The following ACCSL variants were observed in gnomAD, a reference collection of about 807,000 sequenced individuals.
ACCSL encodes probable inactive 1-aminocyclopropane-1-carboxylate synthase-like protein 2.
In ACCSL, 55 loss-of-function variants were observed where a neutral mutation model predicts 61.7. That is an observed-to-expected ratio of 0.89 (90% CI 0.72 to 1.12). ACCSL has a LOEUF of 1.12. Among genes scored for constraint, ACCSL ranks in the 50% most tolerant of loss-of-function variants. The pLI is 0.00. For missense variants in ACCSL, 632 were observed against 698.0 expected (o/e 0.91, Z 1.07); for synonymous variants, 258 against 264.3 (o/e 0.98, Z 0.23).
At chr11:43,984,475 A>G in the ACCSL span, among the ~76,000 whole-genome samples, 3 of 152,136 alleles carry the variant, frequency 2.0e-5, no homozygotes, top group South Asian at 4.1e-4. Flanking sequence ...TCCTCTGGGT[A>G]CAAACAGAAG....
At chr11:43,987,871 G>A in the ACCSL span, among the ~76,000 whole-genome samples, 4 of 152,208 alleles carry the variant, frequency 2.6e-5, no homozygotes, top group East Asian at 1.9e-4. Flanking sequence ...AATAATGTGC[G>A]TTTGGCAGGC....
the ACCSL span, among the ~76,000 whole-genome samples, chr11:43,990,001 G>C: frequency 2.8e-3 from 432 of 152,332 alleles, 5 homozygotes; most frequent in African/African-American, 9.3e-3. Flanking sequence ...CGCCATGCCA[G>C]AAACTTAGCA....
Position 44,048,259 on chromosome 11 carries a change from A to G in ACCSL, c.223A>G (p.Ile75Val). The stretch of plus-strand genomic sequence containing the variant: ...GCATGAAGCCCTTCTGAGTCGCTTA[A>G]TATGCCGGATGATCAACCTCCTACA... Reference protein sequence around the residue: ...CEHEALLSRLICRMINLLQSG... With the variant: ...CEHEALLSRLVCRMINLLQSG... The change falls in exon 1 of 14, where the codon ATA becomes GTA. Residue 75 changes from isoleucine to valine, a missense_variant. Transcript: ENST00000378832. 1 of 1,614,138 alleles carries G rather than the reference A, an allele frequency of 6.2e-7. No individual in the cohort carries two copies. The highest frequency in any genetic ancestry group is 1.1e-5 in the South Asian group (1 of 91,078).
At chr11:44,053,614 G>T in intron 8 of ACCSL, 108 bp downstream of exon 8, 1 of 1,031,440 alleles carries the variant, frequency 9.7e-7, no homozygotes, top group Non-Finnish European at 1.5e-6. Flanking sequence ...TGTAATCCCA[G>T]CACTTTGGGA....
the ACCSL span, chr11:43,921,214 T>A: frequency 6.6e-6 from 1 of 152,252 alleles, no homozygotes. Context: ...CATTCCAGGC[T>A]GTAAGATTGA....
chr11:43,992,542 T>C, the ACCSL span, among the ~76,000 whole-genome samples: 1 of 152,250 alleles, frequency 6.6e-6, no homozygotes, highest in African/African-American at 2.4e-5. Flanking sequence ...TTTATCTTTG[T>C]GTTCCAGAGC....
chr11:43,974,155 C>T, the ACCSL span: 1 of 152,174 alleles, frequency 6.6e-6, no homozygotes, highest in Non-Finnish European at 1.5e-5. Flanking sequence ...AGATATATAC[C>T]TTTGAATTTA....
chr11:43,924,739 A>G, the ACCSL span, among the ~76,000 whole-genome samples: 3 of 152,192 alleles, frequency 2.0e-5, no homozygotes, highest in Admixed American at 6.5e-5. Flanking sequence ...CGGTCAGGAC[A>G]CCAGCCTCGC....
the ACCSL span, among the ~76,000 whole-genome samples, chr11:43,940,269 C>G: frequency 2.0e-5 from 3 of 152,134 alleles, no homozygotes; most frequent in Non-Finnish European, 4.4e-5. Context: ...TGTGAGCCAC[C>G]GTGCCTGGCC....
chr11:43,949,855 C>CAACAAA, the ACCSL span, among the ~76,000 whole-genome samples: 1 of 151,914 alleles, frequency 6.6e-6, no homozygotes, highest in Non-Finnish European at 1.5e-5. Flanking sequence ...ACAACAACAA[C>CAACAAA]AAAACATACT....
At chr11:43,982,712 C>A in the ACCSL span, among the ~76,000 whole-genome samples, 77 of 152,262 alleles carry the variant, frequency 5.1e-4, no homozygotes, top group African/African-American at 1.8e-3. Flanking sequence ...GGGTCCAGGG[C>A]TCTGGTCCCG....
At chr11:43,999,488 C>T in the ACCSL span, among the ~76,000 whole-genome samples, 11 of 151,972 alleles carry the variant, frequency 7.2e-5, no homozygotes, top group South Asian at 1.0e-3. Context: ...GAGGGTTTTT[C>T]GACTGGGGTC....
the ACCSL span, among the ~76,000 whole-genome samples, chr11:44,001,610 G>T: frequency 6.6e-6 from 1 of 151,940 alleles, no homozygotes; most frequent in African/African-American, 2.4e-5. Context: ...ATTCATTCAT[G>T]CATTCCTGCC....
At position 44,053,678 on chromosome 11, in the gene ACCSL, A is replaced by T. The variant is rs146390968; in HGVS notation, c.1049+172A>T. Among the ~76,000 whole-genome samples, 1,181 of 152,314 alleles carry T rather than the reference A, an allele frequency of 7.8e-3. 10 individuals are homozygous for T. Among genetic ancestry groups the T allele is most frequent in the South Asian group, 0.024 (114 of 4,824 alleles). Reference sequence around the variant, plus strand: ...GGAGTTCGAGACCAGCATGGCCAACAGGGTGAAACCTTGTCTCTACTAAAA... The same window carrying T: ...GGAGTTCGAGACCAGCATGGCCAACTGGGTGAAACCTTGTCTCTACTAAAA... On this transcript the variant is annotated intron_variant, in intron 8 of 13. Transcript: ENST00000378832.
the ACCSL span, among the ~76,000 whole-genome samples, chr11:43,986,938 C>G: frequency 1.4e-4 from 22 of 152,310 alleles, no homozygotes; most frequent in Non-Finnish European, 2.4e-4. Flanking sequence ...GAGGTGAAAG[C>G]AAGAGCTCCT....
At chr11:44,003,190 T>C in the ACCSL span, among the ~76,000 whole-genome samples, 1 of 152,176 alleles carries the variant, frequency 6.6e-6, no homozygotes, top group Non-Finnish European at 1.5e-5. Context: ...GATAACACAA[T>C]GTTCCAAGTA....
the ACCSL span, among the ~76,000 whole-genome samples, chr11:43,980,811 A>C: frequency 6.6e-6 from 1 of 152,148 alleles, no homozygotes; most frequent in East Asian, 1.9e-4. Context: ...TACATGAATT[A>C]TCTCATTCAA....
chr11:43,924,819 A>G, the ACCSL span, among the ~76,000 whole-genome samples: 206 of 152,344 alleles, frequency 1.4e-3, no homozygotes, highest in African/African-American at 4.8e-3. Context: ...GGATTCTGCA[A>G]TCAGGGCTCC....
Position 44,058,309 on chromosome 11 carries a change from C to T in ACCSL, c.1328-8C>T, listed in dbSNP as rs766723714. 4 of 1,613,758 alleles carry T rather than the reference C, an allele frequency of 2.5e-6. No homozygotes were observed. In the South Asian group the frequency reaches 3.3e-5, roughly 13 times the overall value. On this transcript the variant is annotated splice_polypyrimidine_tract_variant and splice_region_variant and intron_variant, in intron 11 of 13. Transcript: ENST00000378832. Reference sequence around the variant, plus strand: ...ATCTGTGACAGTGTTTTTCCTCTACCCATCCAGAATGGATTGACAAAGTAT... The same window carrying T: ...ATCTGTGACAGTGTTTTTCCTCTACTCATCCAGAATGGATTGACAAAGTAT...
Sources: gnomAD v4.1 joint callset for allele counts (sites outside exome capture counted in the v4.1 genomes callset) on GRCh38, gnomAD v4.1.1 for gene constraint, MANE v1.5 for transcripts, NCBI Gene and HGNC (gene_info 2026-07-23, HGNC 2026-07-21) for gene names.